The following GREM2 variants were observed in gnomAD, a reference collection of about 807,000 sequenced individuals.
GREM2 encodes gremlin-2.
Under a neutral mutation model 14.2 loss-of-function variants are expected in GREM2, and 11 were observed. The observed-to-expected ratio is 0.78, with a 90% confidence interval of 0.49 to 1.28. The LOEUF (loss-of-function observed/expected upper bound fraction) is 1.28, where lower values mean the gene tolerates loss of function less well. GREM2 is among the 50% of genes most tolerant of loss of function. The pLI, the probability that GREM2 is intolerant of heterozygous loss-of-function variation, is 0.00. For missense variants in GREM2, 210 were observed against 218.5 expected (o/e 0.96, Z 0.24); for synonymous variants, 98 against 97.6 (o/e 1.00, Z -0.02).
intron 1 of GREM2, among the ~76,000 whole-genome samples, chr1:240,589,668 C>T (rs1679669999): frequency 6.6e-6 from 1 of 152,020 alleles, no homozygotes. Context: ...GAACAATGAT[C>T]CTATGCGATC....
intron 1 of GREM2, among the ~76,000 whole-genome samples, chr1:240,580,720 G>A (rs79662074): frequency 0.013 from 1,970 of 152,100 alleles, 47 homozygotes; most frequent in African/African-American, 0.045. Context: ...GACTACAGGT[G>A]GGCCACCACA....
chr1:240,503,793 G>A (rs571401924), intron 1 of GREM2, among the ~76,000 whole-genome samples: 2 of 152,128 alleles, frequency 1.3e-5, no homozygotes, highest in East Asian at 1.9e-4. Context: ...CTTTATTTTC[G>A]CCATGGTCAT....
In GREM2 at chr1:240,492,386, A is replaced by G. The variant is rs1572359174; in HGVS notation, c.*583T>C. On this transcript the variant is annotated 3_prime_UTR_variant, in exon 2 of 2. Transcript: ENST00000318160. The stretch of plus-strand genomic sequence containing the variant: ...TGGCTCAAGTTGTCTTCTTGGTATC[A>G]GGTTTATTAGGAGACGCCCCGTCCA... 3.4e-6 allele frequency: 1 copy of G among 292,186 alleles called. No individual in the cohort carries two copies. The highest frequency in any genetic ancestry group is 7.1e-6 in the Non-Finnish European group (1 of 140,278). The allele number at this position is 292,186 out of a possible 1,614,324, so 18.1% of individuals were successfully genotyped here. A position where few individuals can be genotyped will look rare whatever the true frequency, so the allele number is the denominator to read the frequency against.
intron 1 of GREM2, among the ~76,000 whole-genome samples, chr1:240,531,083 A>G (rs1169283607): frequency 6.6e-6 from 1 of 152,208 alleles, no homozygotes; most frequent in African/African-American, 2.4e-5. Flanking sequence ...TAATTGGGAT[A>G]ATTGAACTTA....
At chr1:240,539,172 C>T (rs1678537652) in intron 1 of GREM2, among the ~76,000 whole-genome samples, 1 of 152,188 alleles carries the variant, frequency 6.6e-6, no homozygotes, top group Non-Finnish European at 1.5e-5. Context: ...CCCCATCATT[C>T]CATTCTTACT....
chr1:240,596,538 A>C (rs902768584), intron 1 of GREM2, among the ~76,000 whole-genome samples: 2 of 152,132 alleles, frequency 1.3e-5, no homozygotes, highest in Admixed American at 1.3e-4. Flanking sequence ...CTCTACTAAA[A>C]ATACAAAAAT....
intron 1 of GREM2, among the ~76,000 whole-genome samples, chr1:240,555,767 T>A (rs529325054): frequency 2.5e-4 from 38 of 152,312 alleles, no homozygotes; most frequent in African/African-American, 9.1e-4. Context: ...TGGAAAGATA[T>A]TTAAAGTATG....
At chr1:240,534,532 AC>A (rs1196363100) in intron 1 of GREM2, among the ~76,000 whole-genome samples, 2 of 151,984 alleles carry the variant, frequency 1.3e-5, no homozygotes, top group African/African-American at 4.8e-5. Context: ...TACTAAAAAT[AC>A]AAAAAAAAAT....
intron 1 of GREM2, among the ~76,000 whole-genome samples, chr1:240,524,973 G>A (rs1170471940): frequency 1.3e-5 from 2 of 152,130 alleles, no homozygotes; most frequent in Non-Finnish European, 2.9e-5. Context: ...CAGCTACTGA[G>A]ACACCGTGAC....
Position 240,504,116 on chromosome 1 carries a change from CA to C in GREM2, c.-1-10641del, listed in dbSNP as rs974572612. On this transcript the variant is annotated intron_variant, in intron 1 of 1. Coordinates refer to ENST00000318160, the MANE Select transcript of GREM2 (RefSeq NM_022469.4). Reference sequence around the variant, plus strand: ...CACTTTCTACATAAGCCTTTAATCACAATAATTTAATGCCTATCTAGCTATC... The same window carrying C: ...CACTTTCTACATAAGCCTTTAATCACATAATTTAATGCCTATCTAGCTATC... 6.0e-4 allele frequency among the ~76,000 whole-genome samples: 92 copies of C among 152,232 alleles called. 1 individual carries two copies. Among genetic ancestry groups the C allele is most frequent in the African/African-American group, 2.0e-3 (85 of 41,536 alleles).
In GREM2 at chr1:240,555,758, G is replaced by A. The variant is rs561856800; in HGVS notation, c.-2+56126C>T. ...TTTGAGAGTTTAAAAAATTTGTACT[G>A]GAAAGATATTTAAAGTATGTTATCC... On this transcript the variant is annotated intron_variant, in intron 1 of 1. Transcript: ENST00000318160. 4.6e-5 allele frequency among the ~76,000 whole-genome samples: 7 copies of A among 152,258 alleles called. No homozygotes were observed. The South Asian group carries it at 1.2e-3, about 27-fold the overall frequency.
At position 240,513,435 on chromosome 1, in the gene GREM2, C is replaced by T. The variant is rs779041625; in HGVS notation, c.-1-19959G>A. On this transcript the variant is annotated intron_variant, in intron 1 of 1. Coordinates refer to ENST00000318160, the MANE Select transcript of GREM2 (RefSeq NM_022469.4). The stretch of plus-strand genomic sequence containing the variant: ...ACTAAAAATATACAAATTAGCTGGG[C>T]GTGGTGGCATGCGACTGTAGTCCCA... 9.9e-5 allele frequency among the ~76,000 whole-genome samples: 15 copies of T among 151,982 alleles called. No homozygotes were observed. In the Middle Eastern group the frequency reaches 0.014, roughly 138 times the overall value.
chr1:240,513,949 G>A (rs1346859843), intron 1 of GREM2, among the ~76,000 whole-genome samples: 2 of 118,066 alleles, frequency 1.7e-5, no homozygotes, highest in African/African-American at 4.3e-5. Context: ...ATGGCTTTAA[G>A]AGGGTTTCAG....
At chr1:240,562,906 GTA>G (rs1293176898) in intron 1 of GREM2, among the ~76,000 whole-genome samples, 3 of 150,506 alleles carry the variant, frequency 2.0e-5, no homozygotes, top group East Asian at 3.9e-4. Flanking sequence ...ATGTGTGTAT[GTA>G]TGTCTGTGAG....
chr1:240,580,469 T>C (rs1679463685), intron 1 of GREM2, among the ~76,000 whole-genome samples: 1 of 152,244 alleles, frequency 6.6e-6, no homozygotes, highest in African/African-American at 2.4e-5. Flanking sequence ...GTTTAAATAA[T>C]TGATGACTTG....
At chr1:240,526,923 A>G (rs1259231095) in intron 1 of GREM2, among the ~76,000 whole-genome samples, 1 of 152,176 alleles carries the variant, frequency 6.6e-6, no homozygotes, top group Non-Finnish European at 1.5e-5. Flanking sequence ...AACCTCTAGG[A>G]TGGGGTCAGT....
intron 1 of GREM2, among the ~76,000 whole-genome samples, chr1:240,549,597 C>A (rs755985992): frequency 1.3e-5 from 2 of 152,116 alleles, no homozygotes; most frequent in Admixed American, 6.5e-5. Flanking sequence ...TGGGGTTCCA[C>A]AGAACTGAGA....
rs184530554 is a variant in GREM2, at chr1:240,605,204, C to T, written c.-2+6680G>A. Among the ~76,000 whole-genome samples the T allele has an allele frequency of 1.2e-3, 186 of 152,228 alleles. 2 individuals carry two copies. In the East Asian group the frequency reaches 0.018, roughly 15 times the overall value. The stretch of plus-strand genomic sequence containing the variant: ...TGTACTCTCGTGGCAAAACTGCTGG[C>T]GAGTGTACCCTTTCTACGGAAGTAA... On this transcript the variant is annotated intron_variant, in intron 1 of 1. Transcript: ENST00000318160.
intron 1 of GREM2, among the ~76,000 whole-genome samples, chr1:240,515,981 T>A (rs1677946380): frequency 1.3e-5 from 2 of 152,144 alleles, no homozygotes; most frequent in Non-Finnish European, 2.9e-5. Context: ...GTCATTGAAA[T>A]CATGGATCTT....
Sources: gnomAD v4.1 joint callset for allele counts (sites outside exome capture counted in the v4.1 genomes callset) on GRCh38, gnomAD v4.1.1 for gene constraint, MANE v1.5 for transcripts, NCBI Gene and HGNC (gene_info 2026-07-23, HGNC 2026-07-21) for gene names.